RNF11: variants seen among roughly 807,000 people sequenced by gnomAD.
The protein encoded by RNF11 is ring finger protein 11.
In RNF11, 4 loss-of-function variants were observed where a neutral mutation model predicts 15.8. The observed-to-expected ratio is 0.25, with a 90% CI of 0.12 to 0.58. The LOEUF is 0.58. Ranked by LOEUF, RNF11 falls within the 20% of genes least tolerant of loss-of-function variation. The pLI is 0.91. For synonymous variants in RNF11, 68 were observed against 72.3 expected (o/e 0.94, Z 0.30); for missense variants, 139 against 194.4 (o/e 0.71, Z 1.70).
At chr1:51,255,488 G>A (rs1646900431) in intron 1 of RNF11, among the ~76,000 whole-genome samples, 1 of 152,154 alleles carries the variant, frequency 6.6e-6, no homozygotes. Flanking sequence ...TTGAATTCCT[G>A]GGCTTAAGCA....
At chr1:51,260,365 T>A (rs879647025) in intron 1 of RNF11, among the ~76,000 whole-genome samples, 18 of 152,176 alleles carry the variant, frequency 1.2e-4, no homozygotes, top group Admixed American at 7.9e-4. Flanking sequence ...TTAATTAAAA[T>A]TTTTTAGGGT....
intron 2 of RNF11, among the ~76,000 whole-genome samples, chr1:51,270,804 C>A (rs1055559992): frequency 1.3e-5 from 2 of 152,208 alleles, no homozygotes; most frequent in African/African-American, 4.8e-5. Flanking sequence ...CAAAGTTGAT[C>A]TAACTGATGC....
chr1:51,261,773 G>A (rs1325989454), intron 1 of RNF11, among the ~76,000 whole-genome samples: 5 of 151,062 alleles, frequency 3.3e-5, no homozygotes, highest in Non-Finnish European at 5.9e-5. Flanking sequence ...CTGCAAGCTC[G>A]TCCTCCCGGG....
At chr1:51,261,751 G>A (rs2150116) in intron 1 of RNF11, among the ~76,000 whole-genome samples, 3,185 of 151,258 alleles carry the variant, frequency 0.021, 93 homozygotes, top group African/African-American at 0.065. Flanking sequence ...GCAGTGGCAC[G>A]ATCTCAGCTT....
chr1:51,248,791 G>A (rs911151138), intron 1 of RNF11, among the ~76,000 whole-genome samples: 17 of 152,148 alleles, frequency 1.1e-4, no homozygotes, highest in African/African-American at 3.9e-4. Context: ...AAACAACAGA[G>A]CTGCCCTGAT....
chr1:51,256,876 G>A (rs1323614428), intron 1 of RNF11, among the ~76,000 whole-genome samples: 1 of 152,146 alleles, frequency 6.6e-6, no homozygotes, highest in Non-Finnish European at 1.5e-5. Flanking sequence ...GTTTCACCAT[G>A]TTGGCCAGGC....
Position 51,271,478 on chromosome 1 carries a change from G to A in RNF11, c.*156G>A, listed in dbSNP as rs886196224. 19 of 571,814 alleles carry A rather than the reference G, an allele frequency of 3.3e-5. No homozygotes were observed. Among genetic ancestry groups the A allele is most frequent in the South Asian group, 1.4e-4 (5 of 35,116 alleles). The allele number at this position is 571,814 out of a possible 1,614,324, so 35.4% of individuals were successfully genotyped here. On this transcript the variant is annotated 3_prime_UTR_variant, in exon 3 of 3. Transcript: ENST00000242719. ...CTGCAGATGTTGGGGGAAAAAGTAC[G>A]TGATATTTTAGAAACTTAGTGGGAA... is the stretch of plus-strand genomic sequence containing the variant.
At chr1:51,239,325 CT>C (rs1646818888) in intron 1 of RNF11, among the ~76,000 whole-genome samples, 1 of 152,060 alleles carries the variant, frequency 6.6e-6, no homozygotes, top group Non-Finnish European at 1.5e-5. Context: ...CATGAAGGAA[CT>C]TTTTTTGGAA....
At chr1:51,264,460 G>A (rs1646946543) in intron 1 of RNF11, among the ~76,000 whole-genome samples, 1 of 151,554 alleles carries the variant, frequency 6.6e-6, no homozygotes, top group Non-Finnish European at 1.5e-5. Flanking sequence ...AACATCAGAA[G>A]TAGAACATAC....
chr1:51,252,838 T>TTG (rs1646886168), intron 1 of RNF11, among the ~76,000 whole-genome samples: 2 of 151,380 alleles, frequency 1.3e-5, no homozygotes, highest in Admixed American at 1.3e-4. Context: ...TGTGTGTGTT[T>TTG]GGGGGGGACA....
intron 2 of RNF11, 127 bp downstream of exon 2, chr1:51,270,252 A>G: frequency 1.5e-6 from 1 of 671,730 alleles, no homozygotes; most frequent in South Asian, 2.1e-5. Flanking sequence ...TTAATGCAAG[A>G]GAATGTTTAA....
At chr1:51,258,339 G>A (rs1283398616) in intron 1 of RNF11, among the ~76,000 whole-genome samples, 7 of 152,174 alleles carry the variant, frequency 4.6e-5, no homozygotes, top group Non-Finnish European at 1.0e-4. Flanking sequence ...AATAGGTTGG[G>A]CAGTAGAGCA....
intron 1 of RNF11, among the ~76,000 whole-genome samples, chr1:51,245,356 T>C (rs918561589): frequency 3.3e-5 from 5 of 152,172 alleles, no homozygotes; most frequent in African/African-American, 1.2e-4. Context: ...TCTCACTATA[T>C]TGCCCAGGCT....
intron 1 of RNF11, among the ~76,000 whole-genome samples, chr1:51,244,445 C>T (rs1201038693): frequency 2.6e-5 from 4 of 151,894 alleles, no homozygotes; most frequent in Non-Finnish European, 5.9e-5. Flanking sequence ...AGTGCAGTGG[C>T]GCGATCTCAG....
At chr1:51,261,676 T>A (rs1035477110) in intron 1 of RNF11, among the ~76,000 whole-genome samples, 5 of 147,450 alleles carry the variant, frequency 3.4e-5, no homozygotes, top group Admixed American at 2.7e-4. Flanking sequence ...CCACGCCCTG[T>A]CTGTGATAAG....
chr1:51,251,455 A>T, intron 1 of RNF11: 1 of 694,330 alleles, frequency 1.4e-6, no homozygotes, highest in East Asian at 2.7e-5. Context: ...CCCCCGCTGC[A>T]CTGGTGTCAT....
At chr1:51,255,507 T>C (rs1175157671) in intron 1 of RNF11, among the ~76,000 whole-genome samples, 1 of 152,240 alleles carries the variant, frequency 6.6e-6, no homozygotes, top group Non-Finnish European at 1.5e-5. Context: ...CAATTCTACC[T>C]TGGCTTCCCA....
At chr1:51,264,287 A>AATAT (rs1162466435) in intron 1 of RNF11, among the ~76,000 whole-genome samples, 691 of 32,422 alleles carry the variant, frequency 0.021, 15 homozygotes, top group Middle Eastern at 0.042. Context: ...AAAAAAAAAA[A>AATAT]ATATATATAT....
chr1:51,253,689 A>G (rs1363243291), intron 1 of RNF11, among the ~76,000 whole-genome samples: 1 of 152,188 alleles, frequency 6.6e-6, no homozygotes, highest in East Asian at 1.9e-4. Flanking sequence ...ACACTGCCAT[A>G]AATTTTATGA....
Sources: allele counts gnomAD v4.1 joint callset (sites outside exome capture counted in the v4.1 genomes callset), GRCh38; gene constraint gnomAD v4.1.1; transcripts MANE v1.5; gene names NCBI Gene and HGNC (gene_info 2026-07-23, HGNC 2026-07-21).